The following RAB28 variants were observed in gnomAD, a reference collection of about 807,000 sequenced individuals.
RAB28 encodes ras-related protein Rab-28.
A neutral mutation model predicts 31.7 loss-of-function variants in RAB28; 24 were observed. That is an observed-to-expected ratio of 0.76 (90% CI 0.55 to 1.06). The LOEUF is 1.06. Ranked by LOEUF, RAB28 falls within the 50% of genes least tolerant of loss-of-function variation. The pLI, the probability that RAB28 is intolerant of heterozygous loss-of-function variation, is 0.00. For synonymous variants in RAB28, 100 were observed against 90.4 expected, an observed-to-expected ratio of 1.11 and a Z score of -0.60; for missense variants, 254 against 258.5, an observed-to-expected ratio of 0.98 and a Z score of 0.12.
chr4:13,437,526 G>A (rs571625141), intron 4 of RAB28, among the ~76,000 whole-genome samples: 7 of 151,630 alleles, frequency 4.6e-5, no homozygotes, highest in Admixed American at 1.3e-4. Context: ...AAAAATAACC[G>A]CAACAAAAAG....
chr4:13,373,420 T>C (rs901610522), intron 6 of RAB28, among the ~76,000 whole-genome samples: 25 of 152,102 alleles, frequency 1.6e-4, no homozygotes, highest in African/African-American at 6.0e-4. Flanking sequence ...AAATTGGGAA[T>C]TGTGAAAAAT....
chr4:13,428,181 G>C (rs752045768), intron 4 of RAB28, among the ~76,000 whole-genome samples: 1 of 152,206 alleles, frequency 6.6e-6, no homozygotes. Flanking sequence ...CCCAGGGCGC[G>C]CCGCCGGGCT....
chr4:13,409,263 G>C (rs1712282842), intron 4 of RAB28, among the ~76,000 whole-genome samples: 1 of 152,130 alleles, frequency 6.6e-6, no homozygotes, highest in South Asian at 2.1e-4. Flanking sequence ...TTCCAACGAA[G>C]AATCACTTGT....
At chr4:13,449,829 A>G (rs1034793260) in intron 4 of RAB28, among the ~76,000 whole-genome samples, 3 of 151,834 alleles carry the variant, frequency 2.0e-5, no homozygotes, top group Non-Finnish European at 3.0e-5. Context: ...CCACTAACTA[A>G]GAAGCTATAA....
chr4:13,477,600 T>G (rs956032281), intron 2 of RAB28, among the ~76,000 whole-genome samples: 4 of 151,308 alleles, frequency 2.6e-5, no homozygotes, highest in Non-Finnish European at 5.9e-5. Context: ...TTATTGAAAT[T>G]TCTACCATAA....
intron 2 of RAB28, among the ~76,000 whole-genome samples, chr4:13,477,786 T>C (rs1716431906): frequency 6.6e-6 from 1 of 151,516 alleles, no homozygotes; most frequent in South Asian, 2.1e-4. Flanking sequence ...AATATTATAC[T>C]ATAAATCTCG....
intron 4 of RAB28, among the ~76,000 whole-genome samples, chr4:13,415,132 T>A (rs1000166966): frequency 6.6e-6 from 1 of 152,334 alleles, no homozygotes; most frequent in Admixed American, 6.5e-5. Context: ...TATAATGACA[T>A]CATCAAAAGA....
intron 3 of RAB28, among the ~76,000 whole-genome samples, chr4:13,469,764 C>T (rs754660052): frequency 6.6e-6 from 1 of 151,982 alleles, no homozygotes; most frequent in Non-Finnish European, 1.5e-5. Context: ...TCATGGCTCA[C>T]TGCAGCCTCA....
intron 4 of RAB28, among the ~76,000 whole-genome samples, chr4:13,443,327 C>A (rs1714519775): frequency 6.6e-6 from 1 of 152,080 alleles, no homozygotes; most frequent in Non-Finnish European, 1.5e-5. Context: ...GCACACAGCA[C>A]CACATCCAGC....
chr4:13,391,893 C>T (rs372281597), intron 4 of RAB28, among the ~76,000 whole-genome samples: 9 of 144,722 alleles, frequency 6.2e-5, no homozygotes, highest in East Asian at 2.2e-4. Flanking sequence ...CATCACACAC[C>T]GGGGCCTGTC....
rs1293617586 is a variant in RAB28 at position 13,484,222 on chromosome 4, G to A, written c.-72C>T. 5.5e-6 allele frequency: 7 copies of A among 1,273,052 alleles called. No homozygotes were observed. The highest frequency in any genetic ancestry group is 6.7e-6 in the Non-Finnish European group (6 of 895,248). 78.9% of individuals were successfully genotyped at this position (1,273,052 alleles called of 1,614,324 possible). On this transcript the variant is annotated 5_prime_UTR_variant, in exon 1 of 7. Coordinates refer to ENST00000330852, the MANE Select transcript of RAB28 (RefSeq NM_001017979.3). ...AAGGATGAAGGCTCCGGGGGCGGGGGAGAGGAGGAAGGGAGGTAGTTGCGG... is the reference window on the plus strand; with the variant it reads ...AAGGATGAAGGCTCCGGGGGCGGGGAAGAGGAGGAAGGGAGGTAGTTGCGG...
chr4:13,478,178 A>G lies in RAB28; in HGVS notation c.172+1252T>C, dbSNP rs145873909. Among the ~76,000 whole-genome samples, 31 of 151,782 alleles carry G rather than the reference A, an allele frequency of 2.0e-4. No individual in the cohort carries two copies. In the East Asian group the frequency reaches 6.0e-3, roughly 29 times the overall value. On this transcript the variant is annotated intron_variant, in intron 2 of 6. Transcript: ENST00000330852. ...GACTGCTGTTAAGTATTCTGAATGC[A>G]GCATAGATTATCCGTAAGAGTGAGA... is the stretch of plus-strand genomic sequence containing the variant.
chr4:13,409,756 G>A (rs760353650), intron 4 of RAB28, among the ~76,000 whole-genome samples: 1 of 152,188 alleles, frequency 6.6e-6, no homozygotes, highest in Non-Finnish European at 1.5e-5. Context: ...TGTGGCCAAT[G>A]CTAACCAGAA....
intron 4 of RAB28, among the ~76,000 whole-genome samples, chr4:13,405,198 C>T (rs1332276226): frequency 1.3e-5 from 2 of 152,086 alleles, no homozygotes; most frequent in African/African-American, 4.8e-5. Flanking sequence ...TGATTTAAAA[C>T]TAGCAGTCCT....
At chr4:13,412,938 A>G (rs1321437205) in intron 4 of RAB28, among the ~76,000 whole-genome samples, 1 of 152,104 alleles carries the variant, frequency 6.6e-6, no homozygotes, top group Non-Finnish European at 1.5e-5. Flanking sequence ...GCAGAAAAAG[A>G]CACTACTGAA....
At chr4:13,469,571 TAGTA>T (rs979432089) in intron 3 of RAB28, among the ~76,000 whole-genome samples, 97 of 152,202 alleles carry the variant, frequency 6.4e-4, no homozygotes, top group African/African-American at 2.2e-3. Context: ...TCAAGATTTT[TAGTA>T]AGTATTATAT....
At chr4:13,480,166 A>C (rs925734428) in intron 1 of RAB28, among the ~76,000 whole-genome samples, 8 of 151,790 alleles carry the variant, frequency 5.3e-5, no homozygotes, top group African/African-American at 1.9e-4. Context: ...TAATGCCAAG[A>C]AGTCACAAGC....
At position 13,398,530 on chromosome 4, in the gene RAB28, G is replaced by T. The variant is rs188919543; in HGVS notation, c.392-16936C>A. 1.1e-4 allele frequency among the ~76,000 whole-genome samples: 17 copies of T among 152,298 alleles called. No individual in the cohort carries two copies. In the South Asian group the frequency reaches 1.2e-3, roughly 11 times the overall value. On this transcript the variant is annotated intron_variant, in intron 4 of 6. Transcript: ENST00000330852. ...GCGGTGGCTCACGCCTGTAAGCCCA[G>T]CACTTTGGGAGGCAAAGATGGGCGG...
chr4:13,385,715 C>T (rs1454276241), intron 4 of RAB28, among the ~76,000 whole-genome samples: 1 of 152,270 alleles, frequency 6.6e-6, no homozygotes. Context: ...CTATCAACCA[C>T]TACAAAAACA....
Sources: gnomAD v4.1 joint callset for allele counts (sites outside exome capture counted in the v4.1 genomes callset) on GRCh38, gnomAD v4.1.1 for gene constraint, MANE v1.5 for transcripts, NCBI Gene and HGNC (gene_info 2026-07-23, HGNC 2026-07-21) for gene names.